Variants in AUH observed in about 807,000 individuals in gnomAD.
AUH encodes methylglutaconyl-CoA hydratase, mitochondrial.
AUH carries 29 observed loss-of-function variants against 42.3 expected under a neutral mutation model. That is an observed-to-expected ratio of 0.69 (90% confidence interval 0.51 to 0.93). The LOEUF (loss-of-function observed/expected upper bound fraction) is 0.93, where lower values mean the gene tolerates loss of function less well. Among genes scored for constraint, AUH ranks in the 40% least tolerant of loss-of-function variants. AUH has a pLI of 0.00. For synonymous variants in AUH, 174 were observed against 166.4 expected, an observed-to-expected ratio of 1.05 and a Z score of -0.35; for missense variants, 452 against 438.1, an observed-to-expected ratio of 1.03 and a Z score of -0.28.
chr9:91,289,165 G>C (rs1035836803), intron 6 of AUH, among the ~76,000 whole-genome samples: 1 of 152,192 alleles, frequency 6.6e-6, no homozygotes, highest in Non-Finnish European at 1.5e-5. Context: ...ATGCTGGCCA[G>C]TATGAAATCA....
intron 3 of AUH, among the ~76,000 whole-genome samples, chr9:91,350,237 G>A (rs1377262142): frequency 6.6e-6 from 1 of 152,154 alleles, no homozygotes; most frequent in Non-Finnish European, 1.5e-5. Context: ...CCACTAAAAT[G>A]TCTAAGTGTA....
chr9:91,275,131 C>T (rs1365804710), intron 6 of AUH, among the ~76,000 whole-genome samples: 1 of 152,190 alleles, frequency 6.6e-6, no homozygotes, highest in Non-Finnish European at 1.5e-5. Context: ...GTATTCATTC[C>T]TGTCATCCTC....
At chr9:91,297,041 A>G (rs1401252152) in intron 5 of AUH, among the ~76,000 whole-genome samples, 2 of 152,220 alleles carry the variant, frequency 1.3e-5, no homozygotes, top group Non-Finnish European at 2.9e-5. Context: ...CCCAGTTCTC[A>G]GTCTCAGAGC....
intron 3 of AUH, among the ~76,000 whole-genome samples, chr9:91,328,928 T>C (rs893200935): frequency 6.6e-6 from 1 of 152,200 alleles, no homozygotes; most frequent in African/African-American, 2.4e-5. Flanking sequence ...ATGCAGTTGC[T>C]CCCTGTTTCC....
At chr9:91,276,681 T>C (rs954697220) in intron 6 of AUH, among the ~76,000 whole-genome samples, 1 of 152,186 alleles carries the variant, frequency 6.6e-6, no homozygotes, top group East Asian at 1.9e-4. Context: ...AAAAAGGATC[T>C]TTATGTGATA....
chr9:91,295,151 C>G (rs546304671), intron 6 of AUH, among the ~76,000 whole-genome samples: 1 of 152,128 alleles, frequency 6.6e-6, no homozygotes, highest in Non-Finnish European at 1.5e-5. Flanking sequence ...GTAAGACATG[C>G]CTTTGCTCTT....
intron 6 of AUH, among the ~76,000 whole-genome samples, chr9:91,248,449 T>C (rs1434420244): frequency 6.6e-6 from 1 of 152,152 alleles, no homozygotes; most frequent in Admixed American, 6.5e-5. Context: ...TTCCTAACAA[T>C]ATTGGATTTT....
In AUH at chr9:91,302,296, C is replaced by T. The variant is rs545411764; in HGVS notation, c.506-4220G>A. Among the ~76,000 whole-genome samples the T allele has an allele frequency of 3.9e-5, 6 of 151,968 alleles. No individual in the cohort carries two copies. In the South Asian group the frequency reaches 1.2e-3, roughly 32 times the overall value. ...CAGCCTGGCCAACATGGTGAAACCCCATCTCTACTAAAAATACAAAAATTG... is the reference window on the plus strand; with the variant it reads ...CAGCCTGGCCAACATGGTGAAACCCTATCTCTACTAAAAATACAAAAATTG... On this transcript the variant is annotated intron_variant, in intron 4 of 9. Coordinates refer to ENST00000375731, the MANE Select transcript of AUH (RefSeq NM_001698.3).
At chr9:91,256,629 C>A (rs1829417604) in intron 6 of AUH, among the ~76,000 whole-genome samples, 1 of 152,054 alleles carries the variant, frequency 6.6e-6, no homozygotes, top group Non-Finnish European at 1.5e-5. Context: ...GACTGAGGTG[C>A]CTCCAAGAAC....
At chr9:91,323,401 G>C (rs1378492804) in intron 4 of AUH, among the ~76,000 whole-genome samples, 1 of 152,116 alleles carries the variant, frequency 6.6e-6, no homozygotes, top group African/African-American at 2.4e-5. Context: ...AAGGCAGGTG[G>C]ATCACGAGGT....
rs180928048 is a variant in AUH at position 91,266,618 on chromosome 9, T to C, written c.655+29403A>G. Among the ~76,000 whole-genome samples the C allele has an allele frequency of 1.3e-4, 20 of 152,282 alleles. No homozygotes were observed. In the East Asian group the frequency reaches 2.3e-3, roughly 18 times the overall value. On this transcript the variant is annotated intron_variant, in intron 6 of 9. Transcript: ENST00000375731. ...AACCAGTTGATAAAAATGAGTGTCA[T>C]ATAATTTGATTTTGTAACCAGGTCA... is the stretch of plus-strand genomic sequence containing the variant.
At chr9:91,238,565 T>C (rs1257362512) in intron 6 of AUH, among the ~76,000 whole-genome samples, 1 of 152,220 alleles carries the variant, frequency 6.6e-6, no homozygotes. Context: ...GGCAAAACTG[T>C]TTTCATCATG....
chr9:91,359,286 T>C (rs1165461336), intron 1 of AUH, among the ~76,000 whole-genome samples: 1 of 152,206 alleles, frequency 6.6e-6, no homozygotes, highest in Admixed American at 6.5e-5. Flanking sequence ...GCTCATTCCC[T>C]TCCCCAGAAG....
intron 6 of AUH, among the ~76,000 whole-genome samples, chr9:91,230,487 C>G (rs956571648): frequency 6.6e-6 from 1 of 151,934 alleles, no homozygotes; most frequent in Admixed American, 6.6e-5. Flanking sequence ...AACTTCTTTG[C>G]CTTTGGTTTG....
chr9:91,280,470 A>G (rs758788285), intron 6 of AUH, among the ~76,000 whole-genome samples: 3 of 152,230 alleles, frequency 2.0e-5, no homozygotes, highest in Non-Finnish European at 4.4e-5. Context: ...AGAGCAATAA[A>G]CACTGACATA....
chr9:91,297,579 T>C (rs1827446935), intron 5 of AUH, among the ~76,000 whole-genome samples: 1 of 150,344 alleles, frequency 6.7e-6, no homozygotes, highest in African/African-American at 2.4e-5. Context: ...ATTCTTTTCC[T>C]TTTTTTCTTT....
chr9:91,289,873 T>C (rs1358144688), intron 6 of AUH, among the ~76,000 whole-genome samples: 3 of 152,196 alleles, frequency 2.0e-5, no homozygotes, highest in African/African-American at 7.2e-5. Context: ...ATAAAATCTC[T>C]GCTGTTTCAA....
In AUH at chr9:91,246,048, C is replaced by T. The variant is rs915194107; in HGVS notation, c.656-25056G>A. Among the ~76,000 whole-genome samples, 11 of 152,300 alleles carry T rather than the reference C, an allele frequency of 7.2e-5. No homozygotes were observed. The East Asian group carries it at 2.1e-3, about 29-fold the overall frequency. On this transcript the variant is annotated intron_variant, in intron 6 of 9. Transcript: ENST00000375731. ...GTGTCTCACAGGAAACAGATATGAG[C>T]AGATTCGGTGGAGGCAGCCTGGGAA...
chr9:91,215,116 C>T (rs1826745644), intron 9 of AUH, among the ~76,000 whole-genome samples: 1 of 152,174 alleles, frequency 6.6e-6, no homozygotes, highest in African/African-American at 2.4e-5. Flanking sequence ...TAAACGAGTG[C>T]TCATGCAGTT....
Sources: allele counts gnomAD v4.1 joint callset (sites outside exome capture counted in the v4.1 genomes callset), GRCh38; gene constraint gnomAD v4.1.1; transcripts MANE v1.5; gene names NCBI Gene and HGNC (gene_info 2026-07-23, HGNC 2026-07-21).